GRAMD1A: variants seen among roughly 807,000 people sequenced by gnomAD.
GRAMD1A encodes the protein GRAM domain containing 1A.
In GRAMD1A, 50 loss-of-function variants were observed where a neutral mutation model predicts 92.0. The ratio of observed to expected loss-of-function variants is 0.54; its 90% confidence interval spans 0.43 to 0.69. GRAMD1A has a LOEUF of 0.69. GRAMD1A is among the 30% of genes least tolerant of loss of function. GRAMD1A has a pLI of 0.00. For missense variants in GRAMD1A, 819 were observed against 978.9 expected, an observed-to-expected ratio of 0.84 and a Z score of 2.18; for synonymous variants, 405 against 403.6, an observed-to-expected ratio of 1.00 and a Z score of -0.04.
intron 1 of GRAMD1A, among the ~76,000 whole-genome samples, chr19:35,006,307 G>A (rs577496852): frequency 5.8e-4 from 88 of 152,118 alleles, no homozygotes; most frequent in Non-Finnish European, 1.0e-3. Context: ...GGGTGACAGC[G>A]CGACTCTTTG....
chr19:35,018,766 T>C (rs73038379), intron 11 of GRAMD1A, among the ~76,000 whole-genome samples: 60,711 of 151,396 alleles, frequency 0.4, 12,602 homozygotes, highest in African/African-American at 0.5. Flanking sequence ...ATCTAGGGGT[T>C]TGAGTAGGGG....
intron 10 of GRAMD1A, chr19:35,014,772 T>C (rs998793333): frequency 1.4e-5 from 3 of 220,306 alleles, no homozygotes; most frequent in African/African-American, 6.8e-5. Context: ...ACACCTGTAA[T>C]CCCAGCACTT....
In GRAMD1A at chr19:35,009,274, C is replaced by T; in HGVS notation, c.164C>T (p.Pro55Leu). The T allele has an allele frequency of 6.2e-7, 1 of 1,614,008 alleles. No homozygotes were observed. Among genetic ancestry groups the T allele is most frequent in the Non-Finnish European group, 8.5e-7 (1 of 1,179,894 alleles). ...AGCTCCTCAGAGAAGGGTGGGGTGCCTGGGACCCCCAGCACCCAGAGCCTA... is the reference window on the plus strand; with the variant it reads ...AGCTCCTCAGAGAAGGGTGGGGTGCTTGGGACCCCCAGCACCCAGAGCCTA... Reference protein sequence around the residue: ...SDSSSEKGGVPGTPSTQSLGS... With the variant: ...SDSSSEKGGVLGTPSTQSLGS... The change falls in exon 2 of 20, where the codon CCT becomes CTT. Residue 55 changes from proline (P) to leucine (L), a missense_variant. By Grantham distance (98) the Pro-to-Leu change is moderately conservative. Transcript: ENST00000317991.
intron 1 of GRAMD1A, chr19:35,005,924 G>C (rs1474571272): frequency 6.6e-6 from 3 of 456,148 alleles, no homozygotes; most frequent in South Asian, 3.1e-5. Context: ...ATATGTTAAG[G>C]CTTGGAGGTA....
At chr19:35,008,142 A>T (rs992035973) in intron 1 of GRAMD1A, among the ~76,000 whole-genome samples, 2 of 151,810 alleles carry the variant, frequency 1.3e-5, no homozygotes, top group Non-Finnish European at 2.9e-5. Context: ...CAGCCTGGCC[A>T]ACATAGTGAA....
Position 35,000,496 on chromosome 19 carries a change from G to T in GRAMD1A, c.8+10G>T. On this transcript the variant is annotated intron_variant, in intron 1 of 19. Transcript: ENST00000317991. This position sits in a 1 kb window ranked among gnomAD's most constrained non-coding sequence, Gnocchi z 4.9. ...CCGCATCCATGTTCGAGTAAGGACCGGGCGACTAGAGCTCAGGGACCGGGC... is the reference window on the plus strand; with the variant it reads ...CCGCATCCATGTTCGAGTAAGGACCTGGCGACTAGAGCTCAGGGACCGGGC... The T allele has an allele frequency of 7.8e-7, 1 of 1,277,316 alleles. No homozygotes were observed. Among genetic ancestry groups the T allele is most frequent in the Non-Finnish European group, 1.0e-6 (1 of 1,004,994 alleles). The allele number at this position is 1,277,316 out of a possible 1,614,324, so 79.1% of individuals were successfully genotyped here. A position where few individuals can be genotyped will look rare whatever the true frequency, so the allele number is the denominator to read the frequency against.
rs757817976 is a variant in GRAMD1A, at chr19:35,023,298, C to T, written c.1916C>T (p.Thr639Ile). Reference sequence around the variant, plus strand: ...TACCGCCTCTGGTCCCTGGAAAGGACAGCCCACACCTTTGAGTCCTGGCAC... The same window carrying T: ...TACCGCCTCTGGTCCCTGGAAAGGATAGCCCACACCTTTGAGTCCTGGCAC... ...LFYRLWSLER[T>I]AHTFESWHSL... Residue 639 changes from threonine (T) to isoleucine (I), a missense_variant, in exon 18 of 20, where the codon ACA becomes ATA. Thr to Ile is a moderately conservative substitution (Grantham distance 89). Coordinates refer to ENST00000317991, the MANE Select transcript of GRAMD1A (RefSeq NM_020895.5). The T allele has an allele frequency of 5.6e-6, 9 of 1,614,164 alleles. No individual in the cohort carries two copies. The highest frequency in any genetic ancestry group is 1.7e-5 in the Admixed American group (1 of 60,024).
chr19:35,015,738 A>T (rs1004646137), intron 10 of GRAMD1A, 86 bp from the exon 11 acceptor site: 2 of 1,366,556 alleles, frequency 1.5e-6, no homozygotes, highest in Non-Finnish European at 2.0e-6. Flanking sequence ...CATGCACACT[A>T]CAAGGCCTGG....
At chr19:35,011,611 C>A in intron 7 of GRAMD1A, 57 bp downstream of exon 7, 1 of 1,256,940 alleles carries the variant, frequency 8.0e-7, no homozygotes, top group Non-Finnish European at 1.2e-6. Context: ...ACCATGGAGC[C>A]AGGGACCCCA....
intron 16 of GRAMD1A, among the ~76,000 whole-genome samples, 200 bp downstream of exon 16, chr19:35,022,238 G>A (rs2290644): frequency 6.6e-6 from 1 of 151,312 alleles, no homozygotes; most frequent in Admixed American, 6.6e-5. Context: ...CAGCAGAGCC[G>A]GGGGGGGCTA....
In GRAMD1A at chr19:35,009,140, G is replaced by T. The variant is rs2015033617; in HGVS notation, c.30G>T (p.Arg10=). The T allele has an allele frequency of 1.2e-6, 2 of 1,613,532 alleles. No homozygotes were observed. Among genetic ancestry groups the T allele is most frequent in the Non-Finnish European group, 1.7e-6 (2 of 1,179,672 alleles). The part of the protein sequence containing the change: MFDTTPHSG[R]STPSSSPSLR... ...CCAGCACCACACCCCACTCTGGCCG[G>T]AGCACGCCAAGCAGCTCCCCATCGC... The change falls in exon 2 of 20, where the codon CGG becomes CGT. Residue 10 remains arginine, a synonymous_variant. Coordinates refer to ENST00000317991, the MANE Select transcript of GRAMD1A (RefSeq NM_020895.5).
intron 17 of GRAMD1A, 66 bp from the exon 18 acceptor site, chr19:35,023,170 T>G: frequency 9.0e-7 from 1 of 1,105,130 alleles, no homozygotes; most frequent in Non-Finnish European, 1.4e-6. Flanking sequence ...CTACAAGATG[T>G]AGTTGTTTGG....
Position 35,000,513 on chromosome 19 carries a change from G to T in GRAMD1A, c.8+27G>T. On this transcript the variant is annotated intron_variant, in intron 1 of 19. Transcript: ENST00000317991. This position sits in a 1 kb window ranked among gnomAD's most constrained non-coding sequence, Gnocchi z 4.9. Reference sequence around the variant, plus strand: ...TAAGGACCGGGCGACTAGAGCTCAGGGACCGGGCGCGCGGGGGAGGCCACC... The same window carrying T: ...TAAGGACCGGGCGACTAGAGCTCAGTGACCGGGCGCGCGGGGGAGGCCACC... 1.6e-6 allele frequency: 2 copies of T among 1,263,098 alleles called. No individual in the cohort carries two copies. Among genetic ancestry groups the T allele is most frequent in the Non-Finnish European group, 2.0e-6 (2 of 998,428 alleles). 78.2% of individuals were successfully genotyped at this position (1,263,098 alleles called of 1,614,324 possible). A position where few individuals can be genotyped will look rare whatever the true frequency, so the allele number is the denominator to read the frequency against.
At chr19:34,995,996 A>G (rs1373128703), upstream of GRAMD1A, 1 of 1,508,604 alleles carries the variant, frequency 6.6e-7, no homozygotes, top group Non-Finnish European at 8.9e-7. Flanking sequence ...TTTCCCAGAG[A>G]CCACACCGCT....
chr19:34,995,929 G>A (rs2014017431), upstream of GRAMD1A: 5 of 1,094,864 alleles, frequency 4.6e-6, no homozygotes, highest in South Asian at 3.3e-5. Flanking sequence ...GTGGAGCCAC[G>A]GGGGAAGGTG....
At chr19:35,011,977 T>C (rs1418701255) in intron 7 of GRAMD1A, among the ~76,000 whole-genome samples, 1 of 152,154 alleles carries the variant, frequency 6.6e-6, no homozygotes, top group Non-Finnish European at 1.5e-5. Context: ...GCAGGAGTGC[T>C]GAGGGTCCCA....
rs753446139 is a variant in GRAMD1A, at chr19:35,021,843, C to T, written c.1732C>T (p.Arg578Trp). 63 of 1,603,174 alleles carry T rather than the reference C, an allele frequency of 3.9e-5. No individual in the cohort carries two copies. The highest frequency in any genetic ancestry group is 5.1e-5 in the Admixed American group (3 of 59,056). ...PQHPDPDPCA[R>W]AGIHTSGSLS... Reference sequence around the variant, plus strand: ...GCACCCAGATCCTGACCCCTGTGCCCGGGCCGGCATTCACACCTCGGGTAC... The same window carrying T: ...GCACCCAGATCCTGACCCCTGTGCCTGGGCCGGCATTCACACCTCGGGTAC... The change falls in exon 15 of 20, where the codon CGG becomes TGG. Residue 578 changes from arginine (R) to tryptophan (W), a missense_variant. This residue lies in a region of GRAMD1A where 577 missense variants were observed against 674.6 expected (regional missense o/e 0.86). Coordinates refer to ENST00000317991, the MANE Select transcript of GRAMD1A (RefSeq NM_020895.5). This position sits in a 1 kb window ranked among gnomAD's most constrained non-coding sequence, Gnocchi z 5.3.
chr19:35,006,479 A>G (rs1453993372), intron 1 of GRAMD1A, among the ~76,000 whole-genome samples: 1 of 152,250 alleles, frequency 6.6e-6, no homozygotes, highest in Non-Finnish European at 1.5e-5. Flanking sequence ...AGAGCTTGAC[A>G]TATTTCCTGA....
At chr19:34,998,475 T>G (rs2014135195), upstream of GRAMD1A, 1 of 151,776 alleles carries the variant, frequency 6.6e-6, no homozygotes, top group Non-Finnish European at 1.5e-5. Context: ...GGCTAATTTT[T>G]TTGTATTTTT....
Sources: gnomAD v4.1 joint callset for allele counts (sites outside exome capture counted in the v4.1 genomes callset) on GRCh38, gnomAD v4.1.1 for gene constraint, gnomAD v4.1.1 regional missense constraint, Gnocchi (gnomAD v3.1) non-coding constraint, MANE v1.5 for transcripts, NCBI Gene and HGNC (gene_info 2026-07-23, HGNC 2026-07-21) for gene names.